The following BZW1 variants were observed in gnomAD, a reference collection of about 807,000 sequenced individuals.
BZW1 encodes the protein eIF5-mimic protein 2.
In BZW1, 3 loss-of-function variants were observed where a neutral mutation model predicts 54.1. The ratio of observed to expected loss-of-function variants is 0.06; its 90% CI spans 0.03 to 0.14. The LOEUF is 0.14. Among genes scored for constraint, BZW1 ranks in the 10% least tolerant of loss-of-function variants. The pLI is 1.00. For missense variants in BZW1, 206 were observed against 491.7 expected (o/e 0.42, Z 5.50); for synonymous variants, 152 against 162.7 (o/e 0.93, Z 0.50).
Position 200,813,565 on chromosome 2 carries a change from T to C in BZW1, c.64+284T>C, listed in dbSNP as rs1197568722. 3.3e-5 allele frequency among the ~76,000 whole-genome samples: 5 copies of C among 152,336 alleles called. No homozygotes were observed. The East Asian group carries it at 9.6e-4, about 29-fold the overall frequency. On this transcript the variant is annotated intron_variant, in intron 2 of 11. Transcript: ENST00000409600. ...AAAAATAAAAATAAGGGCTCTGTTT[T>C]CACTAGCAGGCAGTCTCATTTAAGC...
chr2:200,812,130 T>G, intron 1 of BZW1, 140 bp downstream of exon 1: 2 of 933,784 alleles, frequency 2.1e-6, no homozygotes, highest in South Asian at 5.6e-5. Context: ...CCGGGCCGGA[T>G]CTAGGGCCTG....
chr2:200,815,735 C>T lies in BZW1; in HGVS notation c.310C>T (p.Leu104=), dbSNP rs1195816760. The T allele has an allele frequency of 1.3e-6, 2 of 1,581,950 alleles. No individual in the cohort carries two copies. The highest frequency in any genetic ancestry group is 1.7e-6 in the Non-Finnish European group (2 of 1,164,430). ...CTGCGTGTTTGCAGCCCAAGAAGAT[C>T]TAGAGACCATGCAAGCATTTGCTCA... ...DVCVFAAQED[L]ETMQAFAQVF... Residue 104 remains leucine, a synonymous_variant, in exon 4 of 12, where the codon CTA becomes TTA. Coordinates refer to ENST00000409600, the MANE Select transcript of BZW1 (RefSeq NM_001207067.2).
Position 200,812,373 on chromosome 2 carries a change from C to T in BZW1, c.-11+383C>T, listed in dbSNP as rs552290622. ...TGCCACCCACCACCGCTGCGGCCGC[C>T]GCCTCCGCCGCTGCTTTCGCTGGAG... is the stretch of plus-strand genomic sequence containing the variant. On this transcript the variant is annotated intron_variant, in intron 1 of 11. Transcript: ENST00000409600. 4.3e-4 allele frequency: 553 copies of T among 1,283,680 alleles called. 1 individual carries two copies. The African/African-American group carries it at 7.9e-3, about 18-fold the overall frequency. The allele number at this position is 1,283,680 out of a possible 1,614,324, so 79.5% of individuals were successfully genotyped here. A position where few individuals can be genotyped will look rare whatever the true frequency, so the allele number is the denominator to read the frequency against.
intron 5 of BZW1, 101 bp from the exon 6 acceptor site, chr2:200,817,005 G>A: frequency 7.3e-7 from 1 of 1,374,410 alleles, no homozygotes; most frequent in Non-Finnish European, 9.8e-7. Context: ...TTAGATCCCA[G>A]AGCCCACGTA....
Position 200,826,504 on chromosome 2 carries a change from A to C in BZW1, c.*4326A>C, listed in dbSNP as rs2038706828. ...CAGTGGCACAATCTCGGCTCACTGC[A>C]AGCTCCGCCTTGGGGGTTCACACCA... On this transcript the variant is annotated 3_prime_UTR_variant, in exon 12 of 12. Transcript: ENST00000409600. 7.2e-6 allele frequency: 1 copy of C among 139,114 alleles called. No individual in the cohort carries two copies. The allele number at this position is 139,114 out of a possible 1,614,324, so 8.6% of individuals were successfully genotyped here.
chr2:200,812,305 G>A, intron 1 of BZW1: 1 of 1,251,194 alleles, frequency 8.0e-7, no homozygotes, highest in Non-Finnish European at 1.0e-6. Context: ...CCTCTGTTGT[G>A]TGATGTACGC....
At chr2:200,812,733 A>G (rs1450418584) in intron 1 of BZW1, 4 of 739,244 alleles carry the variant, frequency 5.4e-6, no homozygotes, top group Non-Finnish European at 7.3e-6. Context: ...GGCATGACCT[A>G]GGGTAGGATG....
At position 200,826,801 on chromosome 2, in the gene BZW1, C is replaced by T. The variant is rs1350327780; in HGVS notation, c.*4623C>T. On this transcript the variant is annotated 3_prime_UTR_variant, in exon 12 of 12. Coordinates refer to ENST00000409600, the MANE Select transcript of BZW1 (RefSeq NM_001207067.2). ...TTAGAATGTTGGTGGTTGTGTAGTG[C>T]ATTTGGGGTGCTACAACGTTAATCA... The T allele has an allele frequency of 2.0e-5, 3 of 152,112 alleles. No homozygotes were observed. Among genetic ancestry groups the T allele is most frequent in the Non-Finnish European group, 2.9e-5 (2 of 68,022 alleles). 9.4% of individuals were successfully genotyped at this position (152,112 alleles called of 1,614,324 possible).
At position 200,824,476 on chromosome 2, in the gene BZW1, GA is replaced by G. The variant is rs1303274778; in HGVS notation, c.*2299del. 6.6e-6 allele frequency: 1 copy of G among 151,366 alleles called. No individual in the cohort carries two copies. The highest frequency in any genetic ancestry group is 1.5e-5 in the Non-Finnish European group (1 of 67,908). 9.4% of individuals were successfully genotyped at this position (151,366 alleles called of 1,614,324 possible). A position where few individuals can be genotyped will look rare whatever the true frequency, so the allele number is the denominator to read the frequency against. On this transcript the variant is annotated 3_prime_UTR_variant, in exon 12 of 12. Coordinates refer to ENST00000409600, the MANE Select transcript of BZW1 (RefSeq NM_001207067.2). ...TCTTAGCCTTACTCTGTGAGTTATAGATGTTATTTCATTCTATATATAGATG... is the reference window on the plus strand; with the variant it reads ...TCTTAGCCTTACTCTGTGAGTTATAGTGTTATTTCATTCTATATATAGATG...
chr2:200,818,171 T>A, intron 7 of BZW1, 52 bp from the exon 8 acceptor site: 1 of 1,512,632 alleles, frequency 6.6e-7, no homozygotes. Flanking sequence ...AAAGAAAGTG[T>A]TTTTCTTAAT....
intron 1 of BZW1, chr2:200,812,292 C>T (rs1228425229): frequency 2.8e-5 from 34 of 1,232,514 alleles, no homozygotes; most frequent in Non-Finnish European, 3.2e-5. Context: ...AAAGCCGCCG[C>T]GGCCTCTGTT....
chr2:200,814,196 C>T (rs192426850), intron 2 of BZW1, among the ~76,000 whole-genome samples: 2 of 152,282 alleles, frequency 1.3e-5, no homozygotes, highest in East Asian at 3.9e-4. Flanking sequence ...AAGTGTATCT[C>T]TTGAATATGT....
chr2:200,818,162 A>G (rs1048751393), intron 7 of BZW1, 61 bp from the exon 8 acceptor site: 19 of 1,513,042 alleles, frequency 1.3e-5, no homozygotes, highest in Admixed American at 2.4e-5. Context: ...AGACTGTGAA[A>G]AGAAAGTGTT....
chr2:200,821,473 A>G (rs1412035034), intron 11 of BZW1, among the ~76,000 whole-genome samples, 168 bp downstream of exon 11: 2 of 152,210 alleles, frequency 1.3e-5, no homozygotes, highest in Non-Finnish European at 2.9e-5. Flanking sequence ...TAGTATATTT[A>G]TGGCTCAGCC....
chr2:200,824,038 TC>T lies in BZW1; in HGVS notation c.*1862del, dbSNP rs1243085578. ...TACAACCAATTCATTGCATGTTTCTTCCATACAAAGTGTGCCATTTTATACT... is the reference window on the plus strand; with the variant it reads ...TACAACCAATTCATTGCATGTTTCTTCATACAAAGTGTGCCATTTTATACT... On this transcript the variant is annotated 3_prime_UTR_variant, in exon 12 of 12. Transcript: ENST00000409600. 5 of 152,206 alleles carry T rather than the reference TC, an allele frequency of 3.3e-5. No individual in the cohort carries two copies. Among genetic ancestry groups the T allele is most frequent in the Non-Finnish European group, 7.3e-5 (5 of 68,028 alleles). 9.4% of individuals were successfully genotyped at this position (152,206 alleles called of 1,614,324 possible). A position where few individuals can be genotyped will look rare whatever the true frequency, so the allele number is the denominator to read the frequency against.
chr2:200,821,440 C>T (rs962685248), intron 11 of BZW1, 135 bp downstream of exon 11: 13 of 1,018,994 alleles, frequency 1.3e-5, no homozygotes, highest in Non-Finnish European at 1.4e-5. Context: ...AGGCAGGTGG[C>T]GAAAGCTAGA....
chr2:200,819,941 T>G, intron 9 of BZW1, 41 bp from the exon 10 acceptor site: 1 of 1,453,858 alleles, frequency 6.9e-7, no homozygotes, highest in Non-Finnish European at 9.1e-7. Flanking sequence ...GGATGGTTAT[T>G]TGTAATGAAT....
rs542371486 is a variant in BZW1 at position 200,816,795 on chromosome 2, G to A, written c.403-311G>A. 2.6e-5 allele frequency among the ~76,000 whole-genome samples: 4 copies of A among 152,236 alleles called. No individual in the cohort carries two copies. In the South Asian group the frequency reaches 8.3e-4, roughly 32 times the overall value. On this transcript the variant is annotated intron_variant, in intron 5 of 11. Coordinates refer to ENST00000409600, the MANE Select transcript of BZW1 (RefSeq NM_001207067.2). Reference sequence around the variant, plus strand: ...GAGCCAACACGCCTGGCCCAATATTGCATATAGATGCCCAGAAAACTTGAT... The same window carrying A: ...GAGCCAACACGCCTGGCCCAATATTACATATAGATGCCCAGAAAACTTGAT...
chr2:200,822,100 T>C lies in BZW1; in HGVS notation c.1229-47T>C, dbSNP rs140892170. 42 of 1,539,342 alleles carry C rather than the reference T, an allele frequency of 2.7e-5. No individual in the cohort carries two copies. In the East Asian group the frequency reaches 5.0e-4, roughly 18 times the overall value. ...GCTTCAAAGTTATAAATGGGAACTT[T>C]TGCCTTCTGATACATAATGTTTGAC... On this transcript the variant is annotated intron_variant, in intron 11 of 11. Transcript: ENST00000409600.
Sources: gnomAD v4.1 joint callset for allele counts (sites outside exome capture counted in the v4.1 genomes callset) on GRCh38, gnomAD v4.1.1 for gene constraint, MANE v1.5 for transcripts, NCBI Gene and HGNC (gene_info 2026-07-23, HGNC 2026-07-21) for gene names.